Variants in RNF144B observed in about 807,000 individuals in gnomAD.
RNF144B encodes the protein ring finger protein 144B.
In RNF144B, 25 loss-of-function variants were observed where a neutral mutation model predicts 40.2. That is an observed-to-expected ratio of 0.62 (90% CI 0.45 to 0.87). The LOEUF (loss-of-function observed/expected upper bound fraction) is 0.87, where lower values mean the gene tolerates loss of function less well. Ranked by LOEUF, RNF144B falls within the 40% of genes least tolerant of loss-of-function variation. The pLI, the probability that RNF144B is intolerant of heterozygous loss-of-function variation, is 0.00. For missense variants in RNF144B, 365 were observed against 373.7 expected (o/e 0.98, Z 0.19); for synonymous variants, 145 against 136.3 (o/e 1.06, Z -0.44).
chr6:18,410,582 G>A lies in RNF144B; in HGVS notation c.165+10883G>A, dbSNP rs1795012195. Reference sequence around the variant, plus strand: ...GAATCAGGGAAGAGTGACCTGCTGAGGAACCAAACCGGAAGATGTTCCTGG... The same window carrying A: ...GAATCAGGGAAGAGTGACCTGCTGAAGAACCAAACCGGAAGATGTTCCTGG... On this transcript the variant is annotated intron_variant, in intron 2 of 7. Coordinates refer to ENST00000259939, the MANE Select transcript of RNF144B (RefSeq NM_182757.4). This position sits in a 1 kb window ranked among gnomAD's most constrained non-coding sequence, Gnocchi z 4.6. 6.6e-6 allele frequency among the ~76,000 whole-genome samples: 1 copy of A among 152,104 alleles called. No homozygotes were observed. Among genetic ancestry groups the A allele is most frequent in the Non-Finnish European group, 1.5e-5 (1 of 68,008 alleles).
Position 18,430,750 on chromosome 6 carries a change from A to C in RNF144B, c.270+3065A>C, listed in dbSNP as rs183178152. 3.0e-3 allele frequency among the ~76,000 whole-genome samples: 454 copies of C among 151,978 alleles called. 1 individual carries two copies. Among genetic ancestry groups the C allele is most frequent in the Non-Finnish European group, 2.5e-3 (173 of 67,998 alleles). On this transcript the variant is annotated intron_variant, in intron 3 of 7. Coordinates refer to ENST00000259939, the MANE Select transcript of RNF144B (RefSeq NM_182757.4). ...CTCAGCCTCCCAAAGTTCTGGGATT[A>C]CAGGTGTGAACCACCACATCTGGCT...
chr6:18,390,647 T>A (rs1040298917), intron 1 of RNF144B, among the ~76,000 whole-genome samples: 7 of 152,216 alleles, frequency 4.6e-5, no homozygotes, highest in African/African-American at 1.7e-4. Flanking sequence ...CGAGTTTGAG[T>A]CCCAGCCCTT....
chr6:18,410,546 GT>G lies in RNF144B; in HGVS notation c.165+10848del, dbSNP rs144103880. Among the ~76,000 whole-genome samples, 4,135 of 152,276 alleles carry G rather than the reference GT, an allele frequency of 0.027. 70 individuals carry two copies. Among genetic ancestry groups the G allele is most frequent in the Non-Finnish European group, 0.026 (1,799 of 68,018 alleles). On this transcript the variant is annotated intron_variant, in intron 2 of 7. Coordinates refer to ENST00000259939, the MANE Select transcript of RNF144B (RefSeq NM_182757.4). The surrounding 1 kb of genome is among the most constrained non-coding windows in gnomAD (Gnocchi z 4.6). The stretch of plus-strand genomic sequence containing the variant: ...TCCAGGGAAAAGAGGCCAGCCACAT[GT>G]GAGAACACAGAATCAGGGAAGAGTG...
Position 18,406,130 on chromosome 6 carries a change from C to G in RNF144B, c.165+6431C>G. The G allele has an allele frequency of 1.9e-6, 1 of 518,868 alleles. No homozygotes were observed. The highest frequency in any genetic ancestry group is 1.4e-5 in the South Asian group (1 of 71,576). 32.1% of individuals were successfully genotyped at this position (518,868 alleles called of 1,614,324 possible). ...TAGTGGTGAACGATCAGATTAAGCC[C>G]TGGTTTTCAAATAACTCAACTTTTC... On this transcript the variant is annotated intron_variant, in intron 2 of 7. Transcript: ENST00000259939. The surrounding 1 kb of genome is among the most constrained non-coding windows in gnomAD (Gnocchi z 4.2).
At chr6:18,453,420 G>C (rs1227112460) in intron 4 of RNF144B, among the ~76,000 whole-genome samples, 1 of 152,080 alleles carries the variant, frequency 6.6e-6, no homozygotes, top group South Asian at 2.1e-4. Flanking sequence ...CTACAGGCAT[G>C]AGCTACTGCA....
intron 2 of RNF144B, among the ~76,000 whole-genome samples, chr6:18,424,586 A>C (rs1393564275): frequency 1.3e-5 from 2 of 151,702 alleles, no homozygotes; most frequent in Non-Finnish European, 2.9e-5. Context: ...TAGTTGATAT[A>C]TTGTGGTTTG....
rs902906746 is a variant in RNF144B, at chr6:18,418,062, T to A, written c.166-9519T>A. 2.6e-5 allele frequency among the ~76,000 whole-genome samples: 4 copies of A among 152,136 alleles called. No homozygotes were observed. On this transcript the variant is annotated intron_variant, in intron 2 of 7. Coordinates refer to ENST00000259939, the MANE Select transcript of RNF144B (RefSeq NM_182757.4). The surrounding 1 kb of genome is among the most constrained non-coding windows in gnomAD (Gnocchi z 5.2). ...ATATTCGACTTCACATTAAGATGGC[T>A]ATAATAAAAAAGACAGAAAATAACG...
rs1249908846 is a variant in RNF144B at position 18,458,663 on chromosome 6, C to G, written c.537-944C>G. 6.6e-6 allele frequency among the ~76,000 whole-genome samples: 1 copy of G among 152,210 alleles called. No individual in the cohort carries two copies. Among genetic ancestry groups the G allele is most frequent in the Non-Finnish European group, 1.5e-5 (1 of 68,040 alleles). Reference sequence around the variant, plus strand: ...ATCTGTGTGTCTCATAGAAGCCACTCAGCCTCTGTGAGTCTGTTTCCCTAT... The same window carrying G: ...ATCTGTGTGTCTCATAGAAGCCACTGAGCCTCTGTGAGTCTGTTTCCCTAT... On this transcript the variant is annotated intron_variant, in intron 5 of 7. Transcript: ENST00000259939. This position sits in a 1 kb window ranked among gnomAD's most constrained non-coding sequence, Gnocchi z 4.8.
chr6:18,388,516 G>A (rs1486615672), intron 1 of RNF144B, among the ~76,000 whole-genome samples: 1 of 152,186 alleles, frequency 6.6e-6, no homozygotes, highest in Non-Finnish European at 1.5e-5. Context: ...TCCTAACTGA[G>A]TTGCTGGCTA....
In RNF144B at chr6:18,398,443, C is replaced by G. The variant is rs1262989723; in HGVS notation, c.-36-1056C>G. ...CTGGAGTGTGGTGACGCAATCTTGA[C>G]TCACTGCAACCTCTGCCTCCTGGGT... On this transcript the variant is annotated intron_variant, in intron 1 of 7. Coordinates refer to ENST00000259939, the MANE Select transcript of RNF144B (RefSeq NM_182757.4). This position sits in a 1 kb window ranked among gnomAD's most constrained non-coding sequence, Gnocchi z 5.0. 1.3e-5 allele frequency among the ~76,000 whole-genome samples: 2 copies of G among 152,226 alleles called. No homozygotes were observed. Among genetic ancestry groups the G allele is most frequent in the Non-Finnish European group, 2.9e-5 (2 of 68,046 alleles).
chr6:18,396,734 G>A (rs777463091), intron 1 of RNF144B: 2 of 985,446 alleles, frequency 2.0e-6, no homozygotes, highest in Non-Finnish European at 2.4e-6. Flanking sequence ...CAGATGGGAA[G>A]TTGGTGGGAC....
rs115111523 is a variant in RNF144B at position 18,417,264 on chromosome 6, A to G, written c.166-10317A>G. ...CCTATGGAAATTTGAGCAACCTAGA[A>G]TGGTGAAACAATCTGGAAAAAGAAC... is the stretch of plus-strand genomic sequence containing the variant. On this transcript the variant is annotated intron_variant, in intron 2 of 7. Transcript: ENST00000259939. Among the ~76,000 whole-genome samples, 985 of 152,298 alleles carry G rather than the reference A, an allele frequency of 6.5e-3. 11 individuals carry two copies. The highest frequency in any genetic ancestry group is 0.02 in the African/African-American group (825 of 41,568).
chr6:18,424,309 A>G (rs2113494776), intron 2 of RNF144B, among the ~76,000 whole-genome samples: 1 of 152,294 alleles, frequency 6.6e-6, no homozygotes, highest in South Asian at 2.1e-4. Context: ...AAAAGCAATA[A>G]CTAGGGCTGG....
intron 4 of RNF144B, among the ~76,000 whole-genome samples, chr6:18,452,125 T>C (rs1364815339): frequency 1.3e-5 from 2 of 152,228 alleles, no homozygotes; most frequent in East Asian, 3.8e-4. Context: ...GTATTATTAG[T>C]ATGTGCATTA....
intron 4 of RNF144B, among the ~76,000 whole-genome samples, chr6:18,445,628 A>T: frequency 6.6e-6 from 1 of 152,172 alleles, no homozygotes; most frequent in African/African-American, 2.4e-5. Context: ...AACCACTTCT[A>T]AATCATGTAT....
rs1011135233 is a variant in RNF144B, at chr6:18,442,640, C to T, written c.331+2896C>T. On this transcript the variant is annotated intron_variant, in intron 4 of 7. Coordinates refer to ENST00000259939, the MANE Select transcript of RNF144B (RefSeq NM_182757.4). The surrounding 1 kb of genome is among the most constrained non-coding windows in gnomAD (Gnocchi z 4.3). ...TACATTCATACAGTTGTGCAGCCAT[C>T]ACCACTGCTTCTAAAGCTCTTTCAT... Among the ~76,000 whole-genome samples, 5 of 152,186 alleles carry T rather than the reference C, an allele frequency of 3.3e-5. No homozygotes were observed. The highest frequency in any genetic ancestry group is 9.7e-5 in the African/African-American group (4 of 41,442).
chr6:18,464,886 A>G lies in RNF144B; in HGVS notation c.772-41A>G, dbSNP rs201212980. 2.7e-4 allele frequency: 441 copies of G among 1,605,704 alleles called. 1 individual carries two copies. The Middle Eastern group carries it at 5.1e-3, about 19-fold the overall frequency. ...AGTTGGAATAAGTATACATATTGAA[A>G]GACTTAATTGCTGAAATATGCTTTT... On this transcript the variant is annotated intron_variant, in intron 7 of 7. Transcript: ENST00000259939. This position sits in a 1 kb window ranked among gnomAD's most constrained non-coding sequence, Gnocchi z 6.1.
At chr6:18,435,832 T>C (rs1286584687) in intron 3 of RNF144B, among the ~76,000 whole-genome samples, 1 of 133,012 alleles carries the variant, frequency 7.5e-6, no homozygotes, top group Non-Finnish European at 1.5e-5. Flanking sequence ...TGAGAACACA[T>C]GGACCCAGGA....
At chr6:18,433,648 A>AT (rs1758746062) in intron 3 of RNF144B, among the ~76,000 whole-genome samples, 2 of 152,208 alleles carry the variant, frequency 1.3e-5, no homozygotes, top group South Asian at 4.1e-4. Flanking sequence ...AACAAAGACC[A>AT]GTGAAAGCTG....
Sources: gnomAD v4.1 joint callset for allele counts (sites outside exome capture counted in the v4.1 genomes callset) on GRCh38, gnomAD v4.1.1 for gene constraint, Gnocchi (gnomAD v3.1) non-coding constraint, MANE v1.5 for transcripts, NCBI Gene and HGNC (gene_info 2026-07-23, HGNC 2026-07-21) for gene names.